The following EPB41L4B variants were observed in gnomAD, a reference collection of about 807,000 sequenced individuals.
EPB41L4B encodes band 4.1-like protein 4B.
EPB41L4B carries 30 observed loss-of-function variants against 112.5 expected under a neutral mutation model. The ratio of observed to expected loss-of-function variants is 0.27; its 90% CI spans 0.20 to 0.36. The LOEUF (loss-of-function observed/expected upper bound fraction) is 0.36. Ranked by LOEUF, EPB41L4B falls within the 10% of genes least tolerant of loss-of-function variation. The pLI, the probability that EPB41L4B is intolerant of heterozygous loss-of-function variation, is 1.00. For missense variants in EPB41L4B, 1,024 were observed against 1,133.3 expected (o/e 0.90, Z 1.38); for synonymous variants, 408 against 439.7 (o/e 0.93, Z 0.90).
chr9:109,321,019 C>A lies in EPB41L4B; in HGVS notation c.-573G>T. 5.3e-6 allele frequency: 1 copy of A among 188,420 alleles called. No individual in the cohort carries two copies. The highest frequency in any genetic ancestry group is 1.1e-5 in the Non-Finnish European group (1 of 93,992). 11.7% of individuals were successfully genotyped at this position (188,420 alleles called of 1,614,324 possible). A position where few individuals can be genotyped will look rare whatever the true frequency, so the allele number is the denominator to read the frequency against. ...GAGGCTGCACCTCCAGCCGCCGCCG[C>A]CGCCGCCGCCGCCGCTGCCGCCGGG... On this transcript the variant is annotated 5_prime_UTR_variant, in exon 1 of 26. Transcript: ENST00000374566.
chr9:109,287,745 C>A (rs1836351201), intron 1 of EPB41L4B, among the ~76,000 whole-genome samples: 1 of 152,122 alleles, frequency 6.6e-6, no homozygotes, highest in Non-Finnish European at 1.5e-5. Context: ...GCGATCCTCC[C>A]ACCTCAGCCT....
chr9:109,227,567 TATTA>T (rs757958547), intron 15 of EPB41L4B, among the ~76,000 whole-genome samples: 75 of 152,260 alleles, frequency 4.9e-4, no homozygotes, highest in Admixed American at 1.2e-3. Flanking sequence ...AATGAGATCT[TATTA>T]ATTATTACAT....
chr9:109,211,535 C>T (rs1406516001), intron 17 of EPB41L4B, among the ~76,000 whole-genome samples: 1 of 145,760 alleles, frequency 6.9e-6, no homozygotes, highest in Non-Finnish European at 1.5e-5. Context: ...GTGGAGGTTG[C>T]AGTGAGCCGA....
chr9:109,229,730 G>A (rs981268664), intron 15 of EPB41L4B, among the ~76,000 whole-genome samples: 3 of 152,168 alleles, frequency 2.0e-5, no homozygotes, highest in Non-Finnish European at 4.4e-5. Flanking sequence ...GACCTCAGTA[G>A]AACTTTCCAA....
At chr9:109,215,367 C>T (rs568410182) in intron 16 of EPB41L4B, among the ~76,000 whole-genome samples, 2,507 of 152,210 alleles carry the variant, frequency 0.016, 35 homozygotes, top group Non-Finnish European at 0.026. Flanking sequence ...GCAACCTCCA[C>T]CTCCCAGGTT....
intron 18 of EPB41L4B, 77 bp downstream of exon 18, chr9:109,207,847 A>G: frequency 1.9e-6 from 3 of 1,578,760 alleles, no homozygotes; most frequent in Non-Finnish European, 2.6e-6. Context: ...TCTCAGTCCT[A>G]CGGTGCCTCT....
At position 109,320,443 on chromosome 9, in the gene EPB41L4B, G is replaced by A; in HGVS notation, c.4C>T (p.Leu2=). The A allele has an allele frequency of 3.0e-6, 3 of 990,630 alleles. No homozygotes were observed. Among genetic ancestry groups the A allele is most frequent in the Non-Finnish European group, 3.6e-6 (3 of 835,378 alleles). 61.4% of individuals were successfully genotyped at this position (990,630 alleles called of 1,614,324 possible). Residue 2 remains leucine (L), a synonymous_variant, in exon 1 of 26, where the codon CTG becomes TTG. Coordinates refer to ENST00000374566, the MANE Select transcript of EPB41L4B (RefSeq NM_019114.5). ...CCAAAGGTCCGGCGCAGGAACCGCA[G>A]CATCCTGGCTGGGGGCGCCCCCTGC... The part of the protein sequence containing the change: M[L]RFLRRTFGRR...
At chr9:109,213,499 C>T (rs185038100) in intron 17 of EPB41L4B, among the ~76,000 whole-genome samples, 109 of 152,260 alleles carry the variant, frequency 7.2e-4, no homozygotes, top group Admixed American at 4.3e-3. Flanking sequence ...GGGAACGACG[C>T]CTAATGCTAT....
intron 24 of EPB41L4B, among the ~76,000 whole-genome samples, chr9:109,179,970 T>C (rs1398620814): frequency 1.3e-5 from 2 of 152,156 alleles, no homozygotes; most frequent in Non-Finnish European, 2.9e-5. Flanking sequence ...ACTGCCCTGC[T>C]CAAAGTCCCT....
At chr9:109,221,817 G>A (rs1054359862) in intron 15 of EPB41L4B, among the ~76,000 whole-genome samples, 1 of 152,222 alleles carries the variant, frequency 6.6e-6, no homozygotes, top group Admixed American at 6.5e-5. Flanking sequence ...TACATTCAGG[G>A]CTGGAGGTGG....
At chr9:109,177,480 T>C (rs897233482) in intron 24 of EPB41L4B, among the ~76,000 whole-genome samples, 1 of 152,188 alleles carries the variant, frequency 6.6e-6, no homozygotes, top group Non-Finnish European at 1.5e-5. Flanking sequence ...TTTCATTATA[T>C]AGCAAACTAT....
chr9:109,308,507 T>C (rs553542240), intron 1 of EPB41L4B, among the ~76,000 whole-genome samples: 14 of 152,264 alleles, frequency 9.2e-5, no homozygotes, highest in African/African-American at 2.9e-4. Context: ...AGAATATCTA[T>C]CAAATGCAAT....
At chr9:109,294,403 G>C (rs112140417) in intron 1 of EPB41L4B, among the ~76,000 whole-genome samples, 62 of 152,186 alleles carry the variant, frequency 4.1e-4, no homozygotes, top group African/African-American at 1.4e-3. Flanking sequence ...GAATGCTTGA[G>C]CCCAGGAGTT....
At chr9:109,241,953 G>C in intron 15 of EPB41L4B, 2 of 764,924 alleles carry the variant, frequency 2.6e-6, no homozygotes, top group Non-Finnish European at 4.3e-6. Context: ...GAAATGAATG[G>C]ATTTCCTAGT....
intron 2 of EPB41L4B, among the ~76,000 whole-genome samples, chr9:109,270,353 C>T (rs1835565191): frequency 2.0e-5 from 3 of 152,166 alleles, no homozygotes; most frequent in African/African-American, 7.2e-5. Flanking sequence ...ATGCCATTTA[C>T]TTTCTTTTTA....
chr9:109,200,152 G>A, intron 20 of EPB41L4B, 84 bp downstream of exon 20: 1 of 1,185,970 alleles, frequency 8.4e-7, no homozygotes, highest in Non-Finnish European at 1.2e-6. Context: ...CCTGGGACTA[G>A]TCAGAAGGGC....
chr9:109,174,452 G>A lies in EPB41L4B; in HGVS notation c.*102C>T, dbSNP rs10733569. The A allele has an allele frequency of 0.79, 925,255 of 1,170,674 alleles. 367,438 individuals carry two copies. The highest frequency in any genetic ancestry group is 0.85 in the Middle Eastern group (4,377 of 5,128). 72.5% of individuals were successfully genotyped at this position (1,170,674 alleles called of 1,614,324 possible). A position where few individuals can be genotyped will look rare whatever the true frequency, so the allele number is the denominator to read the frequency against. On this transcript the variant is annotated 3_prime_UTR_variant, in exon 26 of 26. Transcript: ENST00000374566. ...CTAACCATGGAGACCTGGGCGAACA[G>A]AGCACACACTTGTATGCTGTGCTAG...
At chr9:109,218,843 G>A (rs941572482) in intron 15 of EPB41L4B, among the ~76,000 whole-genome samples, 5 of 152,058 alleles carry the variant, frequency 3.3e-5, no homozygotes, top group Non-Finnish European at 7.4e-5. Context: ...TCCCTGGCAG[G>A]GCTAACCCCT....
At chr9:109,286,773 C>G (rs144535484) in intron 1 of EPB41L4B, among the ~76,000 whole-genome samples, 1 of 152,214 alleles carries the variant, frequency 6.6e-6, no homozygotes, top group African/African-American at 2.4e-5. Context: ...AGGGTTGAAA[C>G]GCAAACCCAG....
Sources: allele counts gnomAD v4.1 joint callset (sites outside exome capture counted in the v4.1 genomes callset), GRCh38; gene constraint gnomAD v4.1.1; transcripts MANE v1.5; gene names NCBI Gene and HGNC (gene_info 2026-07-23, HGNC 2026-07-21).